CTNNBL1: variants seen among roughly 807,000 people sequenced by gnomAD.
CTNNBL1 encodes the protein catenin beta like 1.
In CTNNBL1, 31 loss-of-function variants were observed where a neutral mutation model predicts 72.7. The ratio of observed to expected loss-of-function variants is 0.43; its 90% CI spans 0.32 to 0.58. The LOEUF is 0.58. CTNNBL1 is among the 20% of genes least tolerant of loss of function. The pLI is 0.08. For synonymous variants in CTNNBL1, 240 were observed against 267.3 expected, an observed-to-expected ratio of 0.90 and a Z score of 1.00; for missense variants, 534 against 725.1, an observed-to-expected ratio of 0.74 and a Z score of 3.03.
At chr20:37,851,006 G>T (rs954316925) in intron 13 of CTNNBL1, among the ~76,000 whole-genome samples, 2 of 152,182 alleles carry the variant, frequency 1.3e-5, no homozygotes, top group African/African-American at 4.8e-5. Context: ...AGAGATGGAG[G>T]CATGTGCAAA....
chr20:37,784,961 A>G (rs184393776), intron 10 of CTNNBL1, among the ~76,000 whole-genome samples: 339 of 152,174 alleles, frequency 2.2e-3, no homozygotes, highest in African/African-American at 7.6e-3. Context: ...TTTGTCTGGG[A>G]AAGTCTTTAT....
chr20:37,732,898 G>A lies in CTNNBL1; in HGVS notation c.50G>A (p.Arg17His), dbSNP rs1322725855. Residue 17 changes from arginine to histidine, a missense_variant, in exon 2 of 16, where the codon CGT becomes CAT. Coordinates refer to ENST00000361383, the MANE Select transcript of CTNNBL1 (RefSeq NM_030877.5). ...LSYQPNRGTK[R>H]PRDDEEEEQK... ...TCTCAGCCCAATAGGGGCACAAAAC[G>A]TCCCCGGGATGATGAAGAGGAGGAG... 3.1e-6 allele frequency: 5 copies of A among 1,613,592 alleles called. No homozygotes were observed. In the African/African-American group the frequency reaches 4.0e-5, roughly 13 times the overall value.
In CTNNBL1 at chr20:37,732,970, A is replaced by G. The variant is rs150059167; in HGVS notation, c.122A>G (p.Tyr41Cys). 3.9e-4 allele frequency: 633 copies of G among 1,613,988 alleles called. No individual in the cohort carries two copies. Among genetic ancestry groups the G allele is most frequent in the Non-Finnish European group, 4.8e-4 (566 of 1,180,020 alleles). Residue 41 changes from tyrosine to cysteine, a missense_variant, in exon 2 of 16, where the codon TAT becomes TGT. Coordinates refer to ENST00000361383, the MANE Select transcript of CTNNBL1 (RefSeq NM_030877.5). Reference sequence around the variant, plus strand: ...ACTGGTACTCGAGAACGCGGCCGCTATCGGGAAGAAGAAATGACTGTGGTG... The same window carrying G: ...ACTGGTACTCGAGAACGCGGCCGCTGTCGGGAAGAAGAAATGACTGTGGTG... ...KQTGTRERGR[Y>C]REEEMTVVEE...
intron 15 of CTNNBL1, among the ~76,000 whole-genome samples, chr20:37,868,539 A>G (rs973374609): frequency 6.6e-6 from 1 of 152,214 alleles, no homozygotes; most frequent in African/African-American, 2.4e-5. Flanking sequence ...GCCCTCTTCC[A>G]GGGGACACTA....
intron 1 of CTNNBL1, among the ~76,000 whole-genome samples, chr20:37,710,425 G>A (rs768279743): frequency 7.9e-5 from 12 of 152,172 alleles, no homozygotes; most frequent in Non-Finnish European, 1.3e-4. Context: ...TGAAGCATTC[G>A]TATTCTTGGT....
At chr20:37,738,749 A>G (rs959335952) in intron 3 of CTNNBL1, among the ~76,000 whole-genome samples, 1 of 152,222 alleles carries the variant, frequency 6.6e-6, no homozygotes, top group African/African-American at 2.4e-5. Context: ...TGTCACAGAA[A>G]AGATAGTAGT....
chr20:37,802,010 A>G (rs1455757576), intron 10 of CTNNBL1, among the ~76,000 whole-genome samples: 4 of 152,258 alleles, frequency 2.6e-5, no homozygotes, highest in Non-Finnish European at 5.9e-5. Flanking sequence ...TGCAGGAAAT[A>G]AAACCAATTG....
intron 4 of CTNNBL1, among the ~76,000 whole-genome samples, chr20:37,754,185 A>C (rs1180689896): frequency 6.6e-6 from 1 of 151,984 alleles, no homozygotes; most frequent in Non-Finnish European, 1.5e-5. Context: ...GCATGGTGTT[A>C]TTCAAGAGAT....
At chr20:37,787,815 T>G (rs929556566) in intron 10 of CTNNBL1, among the ~76,000 whole-genome samples, 6 of 152,240 alleles carry the variant, frequency 3.9e-5, no homozygotes, top group Non-Finnish European at 7.3e-5. Flanking sequence ...TCCTTCTTCT[T>G]TGGAGATTTG....
At position 37,765,274 on chromosome 20, in the gene CTNNBL1, C is replaced by T. The variant is rs895028985; in HGVS notation, c.642C>T (p.Gly214=). ...AGTCTGTGAAAGAGGAGGCAGATGG[C>T]GTCCACAACACTCTGGGTGAGAGGA... ...LDESVKEEAD[G]VHNTLAIVEN... is the part of the protein sequence containing the mutation. Residue 214 remains glycine, a synonymous_variant, in exon 6 of 16, where the codon GGC becomes GGT. Coordinates refer to ENST00000361383, the MANE Select transcript of CTNNBL1 (RefSeq NM_030877.5). 16 of 1,550,000 alleles carry T rather than the reference C, an allele frequency of 1.0e-5. No homozygotes were observed. Among genetic ancestry groups the T allele is most frequent in the Middle Eastern group, 1.7e-4 (1 of 6,010 alleles).
chr20:37,739,796 A>G (rs542510342), intron 3 of CTNNBL1, among the ~76,000 whole-genome samples: 2 of 152,298 alleles, frequency 1.3e-5, no homozygotes, highest in East Asian at 3.9e-4. Context: ...CTACCACAGT[A>G]CTTGCCTTGC....
At chr20:37,868,345 A>G (rs1197927920) in intron 15 of CTNNBL1, among the ~76,000 whole-genome samples, 3 of 151,166 alleles carry the variant, frequency 2.0e-5, no homozygotes, top group Non-Finnish European at 4.4e-5. Context: ...CGGCTCCTCT[A>G]CATCCTAGAC....
chr20:37,758,017 T>C (rs1039148557), intron 5 of CTNNBL1, among the ~76,000 whole-genome samples: 1 of 152,242 alleles, frequency 6.6e-6, no homozygotes, highest in East Asian at 1.9e-4. Context: ...GATTTGAACC[T>C]GTGGTCTCCT....
intron 5 of CTNNBL1, among the ~76,000 whole-genome samples, chr20:37,760,860 A>C (rs1711701192): frequency 6.6e-6 from 1 of 152,246 alleles, no homozygotes; most frequent in South Asian, 2.1e-4. Flanking sequence ...ATGTCTGTGA[A>C]TATTGAGTTC....
chr20:37,715,303 A>T (rs6122899), intron 1 of CTNNBL1, among the ~76,000 whole-genome samples: 1 of 152,226 alleles, frequency 6.6e-6, no homozygotes, highest in Non-Finnish European at 1.5e-5. Flanking sequence ...GCAAGCCACC[A>T]CACTTTGGCT....
At chr20:37,807,099 C>T (rs1904701232) in intron 11 of CTNNBL1, among the ~76,000 whole-genome samples, 2 of 152,182 alleles carry the variant, frequency 1.3e-5, no homozygotes, top group Non-Finnish European at 2.9e-5. Flanking sequence ...CTCCCAAAGT[C>T]GCAGTGCAGC....
chr20:37,793,633 C>T (rs570518653), intron 10 of CTNNBL1, among the ~76,000 whole-genome samples: 1 of 152,220 alleles, frequency 6.6e-6, no homozygotes, highest in Non-Finnish European at 1.5e-5. Context: ...TGCATGCACA[C>T]ACCTGTGGGG....
At chr20:37,719,778 A>T (rs1362705134) in intron 1 of CTNNBL1, among the ~76,000 whole-genome samples, 1 of 151,424 alleles carries the variant, frequency 6.6e-6, no homozygotes, top group Non-Finnish European at 1.5e-5. Flanking sequence ...TTTTGTTTTC[A>T]TCCTGCATTT....
chr20:37,758,837 T>A (rs2073388750), intron 5 of CTNNBL1, among the ~76,000 whole-genome samples: 1 of 152,200 alleles, frequency 6.6e-6, no homozygotes, highest in African/African-American at 2.4e-5. Context: ...TTTGGCTACT[T>A]TCTAGTCCTA....
Sources: allele counts gnomAD v4.1 joint callset (sites outside exome capture counted in the v4.1 genomes callset), GRCh38; gene constraint gnomAD v4.1.1; transcripts MANE v1.5; gene names NCBI Gene and HGNC (gene_info 2026-07-23, HGNC 2026-07-21).